Variants in DPYSL3 observed in about 807,000 individuals in gnomAD.
The protein encoded by DPYSL3 is dihydropyrimidinase like 3, also known as dihydropyrimidinase-related protein 3.
A neutral mutation model predicts 66.1 loss-of-function variants in DPYSL3; 16 were observed. The ratio of observed to expected loss-of-function variants is 0.24; its 90% CI spans 0.16 to 0.37. The LOEUF is 0.37. Ranked by LOEUF, DPYSL3 falls within the 10% of genes least tolerant of loss-of-function variation. DPYSL3 has a pLI of 1.00. For synonymous variants in DPYSL3, 338 were observed against 345.1 expected, an observed-to-expected ratio of 0.98 and a Z score of 0.23; for missense variants, 738 against 916.2, an observed-to-expected ratio of 0.81 and a Z score of 2.51.
chr5:147,502,198 C>T (rs1753621496), intron 1 of DPYSL3, among the ~76,000 whole-genome samples: 1 of 152,022 alleles, frequency 6.6e-6, no homozygotes, highest in African/African-American at 2.4e-5. Context: ...GGGCACCAAC[C>T]CCATTCATGA....
chr5:147,411,686 G>A (rs1313018255), intron 6 of DPYSL3, among the ~76,000 whole-genome samples: 1 of 152,142 alleles, frequency 6.6e-6, no homozygotes, highest in Non-Finnish European at 1.5e-5. Flanking sequence ...CTAATGGTCC[G>A]AGATGAGGGG....
chr5:147,458,534 G>C (rs1027908288), intron 1 of DPYSL3, among the ~76,000 whole-genome samples: 1 of 152,146 alleles, frequency 6.6e-6, no homozygotes. Flanking sequence ...TAATACACTT[G>C]CTTTCATTAC....
chr5:147,422,018 T>C lies in DPYSL3; in HGVS notation c.470+2857A>G, dbSNP rs980401640. Among the ~76,000 whole-genome samples, 6 of 152,082 alleles carry C rather than the reference T, an allele frequency of 3.9e-5. No homozygotes were observed. The East Asian group carries it at 7.7e-4, about 20-fold the overall frequency. Reference sequence around the variant, plus strand: ...GCCAAAATAGACAAACAGGATCTAATTAAACTAAAGAGCTTCTGCACAGCA... The same window carrying C: ...GCCAAAATAGACAAACAGGATCTAACTAAACTAAAGAGCTTCTGCACAGCA... On this transcript the variant is annotated intron_variant, in intron 2 of 13. Transcript: ENST00000343218.
chr5:147,405,046 G>C (rs1398542235), intron 8 of DPYSL3, among the ~76,000 whole-genome samples: 1 of 152,100 alleles, frequency 6.6e-6, no homozygotes, highest in Non-Finnish European at 1.5e-5. Flanking sequence ...CATGCTCTCT[G>C]CCAAAAATTG....
At chr5:147,489,445 G>T (rs1423574291) in intron 1 of DPYSL3, among the ~76,000 whole-genome samples, 1 of 152,140 alleles carries the variant, frequency 6.6e-6, no homozygotes, top group Non-Finnish European at 1.5e-5. Context: ...ATGATTATAG[G>T]AAATTGAGTA....
intron 1 of DPYSL3, among the ~76,000 whole-genome samples, chr5:147,471,919 G>A (rs546958006): frequency 6.6e-6 from 1 of 151,992 alleles, no homozygotes; most frequent in East Asian, 1.9e-4. Flanking sequence ...CATCTCTCCC[G>A]CTCTCTCTTT....
chr5:147,495,291 A>T (rs1431040872), intron 1 of DPYSL3, among the ~76,000 whole-genome samples: 1 of 152,216 alleles, frequency 6.6e-6, no homozygotes, highest in Non-Finnish European at 1.5e-5. Context: ...AGCCAATATC[A>T]TACTGAATGG....
At chr5:147,439,717 G>T (rs1256839398) in intron 1 of DPYSL3, among the ~76,000 whole-genome samples, 1 of 152,096 alleles carries the variant, frequency 6.6e-6, no homozygotes, top group Non-Finnish European at 1.5e-5. Flanking sequence ...GAGTGAGGGT[G>T]ATGACAGTGA....
intron 1 of DPYSL3, among the ~76,000 whole-genome samples, chr5:147,468,297 C>T (rs906618742): frequency 2.1e-4 from 32 of 152,154 alleles, no homozygotes; most frequent in African/African-American, 6.8e-4. Context: ...AGCAGGAGTC[C>T]TGGAAATCAC....
chr5:147,425,509 G>A (rs890538531), intron 1 of DPYSL3, among the ~76,000 whole-genome samples: 3 of 152,214 alleles, frequency 2.0e-5, no homozygotes, highest in African/African-American at 7.2e-5. Context: ...GTTGTAAAAT[G>A]TGTAATAAAA....
At chr5:147,470,287 T>G (rs182090885) in intron 1 of DPYSL3, among the ~76,000 whole-genome samples, 99 of 152,304 alleles carry the variant, frequency 6.5e-4, no homozygotes, top group Admixed American at 3.6e-3. Flanking sequence ...TATTATAATC[T>G]ACTTTCTAGG....
At chr5:147,440,668 C>T (rs901770666) in intron 1 of DPYSL3, among the ~76,000 whole-genome samples, 4 of 152,188 alleles carry the variant, frequency 2.6e-5, no homozygotes, top group Non-Finnish European at 4.4e-5. Context: ...TTAAATTTCC[C>T]CAATCTCTCT....
intron 1 of DPYSL3, among the ~76,000 whole-genome samples, chr5:147,439,954 T>C (rs898688148): frequency 5.9e-5 from 9 of 152,212 alleles, no homozygotes; most frequent in Non-Finnish European, 5.9e-5. Context: ...AGAAGGCAGC[T>C]TCGACAGAGC....
At chr5:147,413,515 C>T in intron 5 of DPYSL3, 81 bp downstream of exon 5, 1 of 1,124,354 alleles carries the variant, frequency 8.9e-7, no homozygotes, top group South Asian at 1.3e-5. Context: ...CACAGTGATT[C>T]ATGTTACAAG....
chr5:147,491,857 GA>G (rs1268782587), intron 1 of DPYSL3, among the ~76,000 whole-genome samples: 1 of 151,758 alleles, frequency 6.6e-6, no homozygotes, highest in Non-Finnish European at 1.5e-5. Flanking sequence ...AAAAGACAGA[GA>G]AAGGAATAAA....
In DPYSL3 at chr5:147,466,900, C is replaced by T. The variant is rs149613908; in HGVS notation, c.382-41937G>A. 1.2e-4 allele frequency among the ~76,000 whole-genome samples: 18 copies of T among 152,278 alleles called. No homozygotes were observed. In the East Asian group the frequency reaches 3.3e-3, roughly 28 times the overall value. On this transcript the variant is annotated intron_variant, in intron 1 of 13. Transcript: ENST00000343218. ...AGAGACACATGCCTGAGAGTCTAGA[C>T]ACAGATTGCACCGAGCAACTTATCC...
intron 1 of DPYSL3, among the ~76,000 whole-genome samples, chr5:147,491,474 T>C (rs1375370979): frequency 1.3e-5 from 2 of 152,044 alleles, no homozygotes; most frequent in East Asian, 3.9e-4. Flanking sequence ...ATGGCAGGAA[T>C]GTTGGAATGA....
At chr5:147,466,352 T>C (rs1271707492) in intron 1 of DPYSL3, among the ~76,000 whole-genome samples, 2 of 152,162 alleles carry the variant, frequency 1.3e-5, no homozygotes, top group Admixed American at 1.3e-4. Flanking sequence ...TGAAGGGTGT[T>C]GTATTCTGAA....
chr5:147,447,250 A>C (rs546734081), intron 1 of DPYSL3, among the ~76,000 whole-genome samples: 32 of 152,336 alleles, frequency 2.1e-4, no homozygotes, highest in African/African-American at 7.5e-4. Context: ...TTCCTCAAGA[A>C]AAGTAGTTTT....
Sources: gnomAD v4.1 joint callset for allele counts (sites outside exome capture counted in the v4.1 genomes callset) on GRCh38, gnomAD v4.1.1 for gene constraint, MANE v1.5 for transcripts, NCBI Gene and HGNC (gene_info 2026-07-23, HGNC 2026-07-21) for gene names.